The following SWAP70 variants were observed in gnomAD, a reference collection of about 807,000 sequenced individuals.
SWAP70 encodes the protein switch-associated protein 70.
A neutral mutation model predicts 80.2 loss-of-function variants in SWAP70; 34 were observed. The ratio of observed to expected loss-of-function variants is 0.42; its 90% CI spans 0.32 to 0.56. The LOEUF (loss-of-function observed/expected upper bound fraction) is 0.56. Ranked by LOEUF, SWAP70 falls within the 20% of genes least tolerant of loss-of-function variation. The probability of loss-of-function intolerance (pLI) is 0.09; values close to 1 mark genes in which losing one functional copy is unlikely to be tolerated. For synonymous variants in SWAP70, 239 were observed against 238.5 expected, an observed-to-expected ratio of 1.00 and a Z score of -0.02; for missense variants, 578 against 690.7, an observed-to-expected ratio of 0.84 and a Z score of 1.83.
intron 2 of SWAP70, among the ~76,000 whole-genome samples, chr11:9,701,361 G>A (rs927529885): frequency 5.9e-5 from 9 of 151,762 alleles, no homozygotes; most frequent in Non-Finnish European, 4.4e-5. Flanking sequence ...TAGTAGAGAC[G>A]GGGTTTCACC....
intron 9 of SWAP70, among the ~76,000 whole-genome samples, chr11:9,742,177 A>G (rs1285993732): frequency 6.6e-6 from 1 of 152,174 alleles, no homozygotes; most frequent in East Asian, 1.9e-4. Context: ...ATCCAGATGT[A>G]ACTTCTACAT....
At chr11:9,720,392 T>C (rs1851119189) in intron 3 of SWAP70, 1 of 985,328 alleles carries the variant, frequency 1.0e-6, no homozygotes, top group African/African-American at 1.7e-5. Flanking sequence ...AGTTTGCTAC[T>C]AATAGGCGCT....
chr11:9,683,389 C>G (rs1031501368), intron 1 of SWAP70, among the ~76,000 whole-genome samples: 7 of 150,846 alleles, frequency 4.6e-5, no homozygotes, highest in African/African-American at 1.5e-4. Context: ...GCACTCCAGC[C>G]TGAGTAACAG....
chr11:9,695,199 CAGG>C (rs1850740011), intron 2 of SWAP70, among the ~76,000 whole-genome samples: 1 of 151,648 alleles, frequency 6.6e-6, no homozygotes, highest in South Asian at 2.1e-4. Context: ...GAGGCTGAGA[CAGG>C]AGAATTGCTT....
chr11:9,665,821 A>C (rs986121168), intron 1 of SWAP70, among the ~76,000 whole-genome samples: 1 of 152,164 alleles, frequency 6.6e-6, no homozygotes, highest in Non-Finnish European at 1.5e-5. Context: ...GAGTAGGTCT[A>C]CATTTTACTT....
intron 1 of SWAP70, among the ~76,000 whole-genome samples, chr11:9,672,195 C>CTATATATA (rs57590750): frequency 0.081 from 6,336 of 78,232 alleles, 551 homozygotes; most frequent in South Asian, 0.096. Flanking sequence ...ATGTGTGTGT[C>CTATATATA]TATATATATA....
At chr11:9,676,833 T>G (rs1850507437) in intron 1 of SWAP70, among the ~76,000 whole-genome samples, 1 of 152,012 alleles carries the variant, frequency 6.6e-6, no homozygotes, top group South Asian at 2.1e-4. Context: ...TTGTATTTTT[T>G]TAGCAGAGAC....
intron 6 of SWAP70, 24 bp downstream of exon 6, chr11:9,729,475 C>G: frequency 6.6e-7 from 1 of 1,512,602 alleles, no homozygotes; most frequent in Non-Finnish European, 9.1e-7. Flanking sequence ...TTATTATTTG[C>G]CATGATATAA....
At chr11:9,664,481 G>T (rs898733316) in intron 1 of SWAP70, among the ~76,000 whole-genome samples, 3 of 152,256 alleles carry the variant, frequency 2.0e-5, no homozygotes. Context: ...CCATGCCCTC[G>T]GTTGGATGTG....
At chr11:9,707,413 A>G (rs907841151) in intron 2 of SWAP70, among the ~76,000 whole-genome samples, 1 of 133,030 alleles carries the variant, frequency 7.5e-6, no homozygotes, top group African/African-American at 2.8e-5. Context: ...ATCATGCTGT[A>G]TTTGTCTTTT....
chr11:9,694,726 A>T (rs1013169545), intron 2 of SWAP70, among the ~76,000 whole-genome samples: 3 of 152,252 alleles, frequency 2.0e-5, no homozygotes, highest in Non-Finnish European at 4.4e-5. Context: ...ATCACTGATC[A>T]TCAGAGAAAT....
Position 9,747,906 on chromosome 11 carries a change from C to G in SWAP70, c.1404C>G (p.His468Gln), listed in dbSNP as rs762338219. Reference protein sequence around the residue: ...SSKRAELEKWHLEQQQAIQTT... With the variant: ...SSKRAELEKWQLEQQQAIQTT... ...AGAGGGCTGAACTAGAAAAGTGGCACTTGGAGCAGCAGCAGGCCATTCAGA... is the reference window on the plus strand; with the variant it reads ...AGAGGGCTGAACTAGAAAAGTGGCAGTTGGAGCAGCAGCAGGCCATTCAGA... The change falls in exon 10 of 12, where the codon CAC becomes CAG. Residue 468 changes from histidine (H) to glutamine (Q), a missense_variant. By Grantham distance (24) the His-to-Gln change is conservative (BLOSUM62 0). Transcript: ENST00000318950. 1 of 1,614,138 alleles carries G rather than the reference C, an allele frequency of 6.2e-7. No homozygotes were observed. Among genetic ancestry groups the G allele is most frequent in the Non-Finnish European group, 8.5e-7 (1 of 1,180,018 alleles).
At chr11:9,735,590 G>T (rs772496907) in intron 7 of SWAP70, among the ~76,000 whole-genome samples, 4 of 152,170 alleles carry the variant, frequency 2.6e-5, no homozygotes, top group Non-Finnish European at 5.9e-5. Flanking sequence ...TGGACCAGCC[G>T]CCATCTTGAG....
At chr11:9,690,716 C>T (rs918600005) in intron 1 of SWAP70, among the ~76,000 whole-genome samples, 2 of 151,786 alleles carry the variant, frequency 1.3e-5, no homozygotes, top group African/African-American at 4.8e-5. Flanking sequence ...AGTGAGACCC[C>T]ATCTCTATTT....
intron 1 of SWAP70, among the ~76,000 whole-genome samples, chr11:9,690,044 GC>G (rs1351949083): frequency 6.6e-6 from 1 of 152,174 alleles, no homozygotes; most frequent in Non-Finnish European, 1.5e-5. Context: ...TCCCAGTTTT[GC>G]TACACGTAAA....
rs568513943 is a variant in SWAP70, at chr11:9,669,982, G to A, written c.99+5704G>A. ...GTCTCTACTAAAAATATAAAAATTA[G>A]CTGGGTGTGGTGGCACGCACCTGTA... On this transcript the variant is annotated intron_variant, in intron 1 of 11. Coordinates refer to ENST00000318950, the MANE Select transcript of SWAP70 (RefSeq NM_015055.4). 2.6e-5 allele frequency among the ~76,000 whole-genome samples: 4 copies of A among 152,266 alleles called. No individual in the cohort carries two copies. In the South Asian group the frequency reaches 8.3e-4, roughly 32 times the overall value.
chr11:9,717,223 A>G (rs1378861561), intron 3 of SWAP70, among the ~76,000 whole-genome samples: 1 of 152,230 alleles, frequency 6.6e-6, no homozygotes, highest in Admixed American at 6.5e-5. Context: ...ATTTTTGTCC[A>G]AGGAAATTGT....
rs111414369 is a variant in SWAP70 at position 9,675,320 on chromosome 11, C to CGAGAGAGAGAGAGA, written c.99+11050_99+11063dup. Among the ~76,000 whole-genome samples, 51 of 31,480 alleles carry CGAGAGAGAGAGAGA rather than the reference C, an allele frequency of 1.6e-3. 4 individuals are homozygous for CGAGAGAGAGAGAGA. The highest frequency in any genetic ancestry group is 1.9e-3 in the Non-Finnish European group (19 of 9,998). The allele number at this position is 31,480 out of a possible 152,430, so 20.7% of individuals were successfully genotyped here. On this transcript the variant is annotated intron_variant, in intron 1 of 11. Coordinates refer to ENST00000318950, the MANE Select transcript of SWAP70 (RefSeq NM_015055.4). ...AAGAAAGAAAGAAACAGAGAGGGAGCGAGAGAGAGAGAGAGAGAGAGGGAG... is the reference window on the plus strand; with the variant it reads ...AAGAAAGAAAGAAACAGAGAGGGAGCGAGAGAGAGAGAGAGAGAGAGAGAGAGAGAGAGAGGGAG...
chr11:9,733,927 T>G (rs1036079895), intron 7 of SWAP70, among the ~76,000 whole-genome samples: 2 of 152,230 alleles, frequency 1.3e-5, no homozygotes, highest in African/African-American at 4.8e-5. Context: ...ATGAAAATAC[T>G]ACCCAGGTTA....
Sources: allele counts gnomAD v4.1 joint callset (sites outside exome capture counted in the v4.1 genomes callset), GRCh38; gene constraint gnomAD v4.1.1; transcripts MANE v1.5; gene names NCBI Gene and HGNC (gene_info 2026-07-23, HGNC 2026-07-21).